Variants in ARHGEF18 observed in about 807,000 individuals in gnomAD.
ARHGEF18 encodes the protein Rho/Rac guanine nucleotide exchange factor 18.
In ARHGEF18, 93 loss-of-function variants were observed where a neutral mutation model predicts 155.7. The ratio of observed to expected loss-of-function variants is 0.60; its 90% confidence interval spans 0.50 to 0.71. The LOEUF is 0.71. Ranked by LOEUF, ARHGEF18 falls within the 30% of genes least tolerant of loss-of-function variation. ARHGEF18 has a pLI of 0.00. For synonymous variants in ARHGEF18, 742 were observed against 753.1 expected (o/e 0.99, Z 0.24); for missense variants, 1,593 against 1,816.1 (o/e 0.88, Z 2.23).
Position 7,372,674 on chromosome 19 carries a change from C to T in ARHGEF18, c.16-138C>T, listed in dbSNP as rs1056690772. 2.1e-5 allele frequency: 18 copies of T among 875,542 alleles called. No individual in the cohort carries two copies. The South Asian group carries it at 6.1e-4, about 30-fold the overall frequency. 54.2% of individuals were successfully genotyped at this position (875,542 alleles called of 1,614,324 possible). ...TCCATCCCACCCGCTGTGAGGAGGGCGCTGAGCCCAGGAGGGACAGGTAGG... is the reference window on the plus strand; with the variant it reads ...TCCATCCCACCCGCTGTGAGGAGGGTGCTGAGCCCAGGAGGGACAGGTAGG... On this transcript the variant is annotated intron_variant, in intron 2 of 28. Coordinates refer to ENST00000668164, the MANE Select transcript of ARHGEF18 (RefSeq NM_001367823.1).
chr19:7,426,357 C>T (rs1442944210), intron 10 of ARHGEF18, among the ~76,000 whole-genome samples: 14 of 150,834 alleles, frequency 9.3e-5, no homozygotes. Flanking sequence ...CGTGGTGGAA[C>T]GTGCCTGTCG....
rs1021390364 is a variant in ARHGEF18 at position 7,364,297 on chromosome 19, G to A, written c.15+1392G>A. ...ATGAAAGGATGAAGGAAGGATGGAC[G>A]GATAATGGAGGGGTAATGGATAGAT... On this transcript the variant is annotated intron_variant, in intron 2 of 28. Transcript: ENST00000668164. 2.7e-5 allele frequency among the ~76,000 whole-genome samples: 4 copies of A among 148,252 alleles called. No individual in the cohort carries two copies. In the East Asian group the frequency reaches 6.2e-4, roughly 23 times the overall value.
At chr19:7,457,353 C>CTT (rs1159186670) in intron 18 of ARHGEF18, among the ~76,000 whole-genome samples, 778 of 60,230 alleles carry the variant, frequency 0.013, 185 homozygotes, top group African/African-American at 0.058. Flanking sequence ...AATCACCTCT[C>CTT]TTTTTTTTTT....
chr19:7,372,730 G>A (rs1030773612), intron 2 of ARHGEF18, 82 bp from the exon 3 acceptor site: 1 of 1,208,538 alleles, frequency 8.3e-7, no homozygotes, highest in African/African-American at 1.6e-5. Flanking sequence ...TTGGGAGCAG[G>A]GACCTTGTGG....
At chr19:7,461,153 C>T (rs982114664) in intron 20 of ARHGEF18, among the ~76,000 whole-genome samples, 1 of 151,988 alleles carries the variant, frequency 6.6e-6, no homozygotes, top group South Asian at 2.1e-4. Context: ...TGGCTCATGC[C>T]TGTAATCCCT....
chr19:7,383,801 G>C (rs1044560389), intron 10 of ARHGEF18, among the ~76,000 whole-genome samples: 1 of 142,722 alleles, frequency 7.0e-6, no homozygotes, highest in East Asian at 2.2e-4. Flanking sequence ...GGACAGAAGT[G>C]GGGGAGTAGG....
chr19:7,443,174 A>G (rs972781531), intron 13 of ARHGEF18, among the ~76,000 whole-genome samples: 4 of 148,274 alleles, frequency 2.7e-5, no homozygotes, highest in African/African-American at 1.0e-4. Context: ...CTCCTGCCTC[A>G]GCCTTCCAAA....
chr19:7,402,698 C>A (rs1972080753), intron 10 of ARHGEF18, among the ~76,000 whole-genome samples: 1 of 152,016 alleles, frequency 6.6e-6, no homozygotes, highest in Admixed American at 6.6e-5. Context: ...ACCAGCTTGC[C>A]CCGTAAGTGG....
At chr19:7,352,832 CTTTTTTTTTTTT>C (rs587602037) in intron 1 of ARHGEF18, among the ~76,000 whole-genome samples, 1 of 49,876 alleles carries the variant, frequency 2.0e-5, no homozygotes, top group Non-Finnish European at 3.4e-5. Context: ...CGTGCCTGGC[CTTTTTTTTTTTT>C]TTTTTTTTTT....
intron 10 of ARHGEF18, among the ~76,000 whole-genome samples, chr19:7,384,896 T>C (rs1211657594): frequency 6.6e-6 from 1 of 152,110 alleles, no homozygotes; most frequent in Admixed American, 6.6e-5. Flanking sequence ...GGTCTCACTA[T>C]ATTGCCCAGG....
At chr19:7,392,329 C>A (rs1971451970) in intron 10 of ARHGEF18, among the ~76,000 whole-genome samples, 1 of 150,916 alleles carries the variant, frequency 6.6e-6, no homozygotes, top group African/African-American at 2.4e-5. Flanking sequence ...TCCTAGTTGT[C>A]TCTGAGAAAG....
chr19:7,460,190 T>G (rs113418121), intron 20 of ARHGEF18, among the ~76,000 whole-genome samples, 196 bp downstream of exon 20: 4,291 of 152,044 alleles, frequency 0.028, 196 homozygotes, highest in African/African-American at 0.094. Flanking sequence ...CACTTAGCCC[T>G]TTGGGGGTAT....
At chr19:7,375,900 A>G (rs1458202342) in intron 4 of ARHGEF18, 30 bp downstream of exon 4, 1 of 1,234,166 alleles carries the variant, frequency 8.1e-7, no homozygotes, top group Admixed American at 4.2e-5. Context: ...ACCCCTGACA[A>G]TAGCACACTT....
downstream of ARHGEF18, chr19:7,477,134 G>C: frequency 7.4e-7 from 1 of 1,351,466 alleles, no homozygotes; most frequent in Non-Finnish European, 9.7e-7. Flanking sequence ...CCCTGCCCTG[G>C]CGGCTTCTGC....
intron 2 of ARHGEF18, among the ~76,000 whole-genome samples, chr19:7,363,727 G>T (rs186050607): frequency 1.3e-5 from 2 of 150,792 alleles, no homozygotes; most frequent in African/African-American, 4.9e-5. Flanking sequence ...AAGAAAGATG[G>T]ATGGGTGAAA....
rs766617308 is a variant in ARHGEF18, at chr19:7,440,246, T to G, written c.968-98T>G. 64 of 1,552,748 alleles carry G rather than the reference T, an allele frequency of 4.1e-5. No homozygotes were observed. In the African/African-American group the frequency reaches 7.8e-4, roughly 19 times the overall value. On this transcript the variant is annotated intron_variant, in intron 10 of 28. Transcript: ENST00000668164. This position sits in a 1 kb window ranked among gnomAD's most constrained non-coding sequence, Gnocchi z 5.4. ...AGCTGCTGACCTCCAAGATCCTGTC[T>G]GTGCTGCGGCCGCAGTCGGAGCGGG... is the stretch of plus-strand genomic sequence containing the variant.
At chr19:7,368,132 AT>A (rs1162008148) in intron 2 of ARHGEF18, among the ~76,000 whole-genome samples, 1 of 151,832 alleles carries the variant, frequency 6.6e-6, no homozygotes, top group African/African-American at 2.4e-5. Flanking sequence ...CCAGGGACAC[AT>A]TATGCTTTGG....
intron 2 of ARHGEF18, among the ~76,000 whole-genome samples, chr19:7,365,546 AAG>A (rs1969849633): frequency 6.6e-6 from 1 of 152,188 alleles, no homozygotes; most frequent in African/African-American, 2.4e-5. Context: ...ACCTCTTTGA[AAG>A]AGAACCATGG....
At chr19:7,367,889 A>ATG (rs1969996488) in intron 2 of ARHGEF18, among the ~76,000 whole-genome samples, 1 of 60,224 alleles carries the variant, frequency 1.7e-5, no homozygotes, top group Non-Finnish European at 2.9e-5. Context: ...TATATTTTAT[A>ATG]TATATTTTTT....
Sources: gnomAD v4.1 joint callset for allele counts (sites outside exome capture counted in the v4.1 genomes callset) on GRCh38, gnomAD v4.1.1 for gene constraint, Gnocchi (gnomAD v3.1) non-coding constraint, MANE v1.5 for transcripts, NCBI Gene and HGNC (gene_info 2026-07-23, HGNC 2026-07-21) for gene names.